Variants in NETO1 observed in about 807,000 individuals in gnomAD.
The protein encoded by NETO1 is neuropilin and tolloid like 1.
A neutral mutation model predicts 61.3 loss-of-function variants in NETO1; 26 were observed. The ratio of observed to expected loss-of-function variants is 0.42; its 90% CI spans 0.31 to 0.59. NETO1 has a LOEUF of 0.59. NETO1 is among the 20% of genes least tolerant of loss of function. The pLI is 0.12. For missense variants in NETO1, 531 were observed against 662.8 expected (o/e 0.80, Z 2.18); for synonymous variants, 225 against 225.8 (o/e 1.00, Z 0.03).
chr18:72,792,920 A>G (rs1320200087), intron 6 of NETO1, among the ~76,000 whole-genome samples: 1 of 152,092 alleles, frequency 6.6e-6, no homozygotes, highest in Non-Finnish European at 1.5e-5. Flanking sequence ...CTTCTTGACA[A>G]AATACTTCTC....
At chr18:72,829,769 T>C (rs898440828) in intron 4 of NETO1, among the ~76,000 whole-genome samples, 1 of 152,172 alleles carries the variant, frequency 6.6e-6, no homozygotes, top group African/African-American at 2.4e-5. Context: ...GGGAGTACAG[T>C]GTTCACGCTG....
chr18:72,813,695 T>C (rs11659594), intron 4 of NETO1, among the ~76,000 whole-genome samples: 22,699 of 151,994 alleles, frequency 0.15, 1,886 homozygotes, highest in Middle Eastern at 0.23. Flanking sequence ...AATAAGACTA[T>C]AAAGGATGCA....
chr18:72,861,782 A>T (rs1342259927), intron 3 of NETO1, among the ~76,000 whole-genome samples: 1 of 152,212 alleles, frequency 6.6e-6, no homozygotes, highest in African/African-American at 2.4e-5. Context: ...CTTTCTCTAC[A>T]GAATATTCAT....
At chr18:72,833,348 T>C (rs897264736) in intron 4 of NETO1, among the ~76,000 whole-genome samples, 1 of 152,176 alleles carries the variant, frequency 6.6e-6, no homozygotes, top group African/African-American at 2.4e-5. Context: ...TTCTCTGACC[T>C]CTAGGCCGTT....
chr18:72,867,357 T>C lies in NETO1; in HGVS notation c.-66A>G. ...CATTTAGAGACGGGAAGACTTCCAG[T>C]GGCGGGGGGAGGACAGGGTCGAGAG... On this transcript the variant is annotated 5_prime_UTR_variant, in exon 1 of 11. Coordinates refer to ENST00000327305, the MANE Select transcript of NETO1 (RefSeq NM_138966.5). 1 of 1,400,206 alleles carries C rather than the reference T, an allele frequency of 7.1e-7. No homozygotes were observed. The highest frequency in any genetic ancestry group is 1.4e-5 in the South Asian group (1 of 71,188). 86.7% of individuals were successfully genotyped at this position (1,400,206 alleles called of 1,614,324 possible).
intron 3 of NETO1, among the ~76,000 whole-genome samples, chr18:72,859,936 A>AT (rs2074519089): frequency 6.6e-6 from 1 of 151,692 alleles, no homozygotes. Context: ...TTCCAAAAAA[A>AT]AAAAGTCTTT....
chr18:72,770,799 T>C (rs1287782540), intron 7 of NETO1, among the ~76,000 whole-genome samples: 1 of 152,176 alleles, frequency 6.6e-6, no homozygotes, highest in African/African-American at 2.4e-5. Context: ...TAAATTGTGT[T>C]TGGCCTTGCT....
intron 4 of NETO1, among the ~76,000 whole-genome samples, chr18:72,801,419 T>C (rs1461125518): frequency 6.6e-6 from 1 of 152,226 alleles, no homozygotes; most frequent in Non-Finnish European, 1.5e-5. Flanking sequence ...TCTCATTTTC[T>C]CAAAAATATA....
chr18:72,807,259 G>A (rs2072704545), intron 4 of NETO1, among the ~76,000 whole-genome samples: 1 of 152,124 alleles, frequency 6.6e-6, no homozygotes, highest in Non-Finnish European at 1.5e-5. Context: ...TGGGCACAGA[G>A]TATATATAAC....
intron 4 of NETO1, among the ~76,000 whole-genome samples, chr18:72,852,709 A>G (rs910819176): frequency 6.6e-6 from 1 of 152,078 alleles, no homozygotes; most frequent in Non-Finnish European, 1.5e-5. Flanking sequence ...TCCTGAGCCC[A>G]CTATTATACA....
chr18:72,791,948 A>G (rs2072134109), intron 6 of NETO1, among the ~76,000 whole-genome samples: 1 of 152,240 alleles, frequency 6.6e-6, no homozygotes, highest in Non-Finnish European at 1.5e-5. Context: ...GTCTTTCTTC[A>G]TAATGCAATT....
intron 1 of NETO1, chr18:72,865,782 G>T: frequency 8.1e-7 from 1 of 1,236,608 alleles, no homozygotes; most frequent in Non-Finnish European, 1.1e-6. Flanking sequence ...GTGGATTGTG[G>T]GCATTAAGCA....
At position 72,865,214 on chromosome 18, in the gene NETO1, A is replaced by G; in HGVS notation, c.56T>C (p.Leu19Ser). The G allele has an allele frequency of 6.2e-7, 1 of 1,613,380 alleles. No individual in the cohort carries two copies. The highest frequency in any genetic ancestry group is 2.2e-5 in the East Asian group (1 of 44,818). The change falls in exon 2 of 11, where the codon TTG (leucine) becomes TCG (serine). Residue 19 changes from leucine to serine, a missense_variant. Coordinates refer to ENST00000327305, the MANE Select transcript of NETO1 (RefSeq NM_138966.5). ...HIVASLIILH[L>S]SGATKKGTEK... The stretch of plus-strand genomic sequence containing the variant: ...TGTTCCTTTCTTGGTTGCCCCAGAC[A>G]AATGGAGGATGATTAAACTTGCTAC...
At chr18:72,779,892 T>C (rs1048601875) in intron 7 of NETO1, among the ~76,000 whole-genome samples, 5 of 152,178 alleles carry the variant, frequency 3.3e-5, no homozygotes, top group African/African-American at 1.2e-4. Flanking sequence ...CTGGCAGATT[T>C]GGTGTCTGTT....
chr18:72,757,240 A>G (rs996712290), intron 7 of NETO1, among the ~76,000 whole-genome samples: 6 of 152,166 alleles, frequency 3.9e-5, no homozygotes, highest in African/African-American at 1.4e-4. Context: ...TCATGTTATA[A>G]TGAGTTTATT....
At chr18:72,773,923 A>G (rs1372932489) in intron 7 of NETO1, among the ~76,000 whole-genome samples, 1 of 152,028 alleles carries the variant, frequency 6.6e-6, no homozygotes, top group Non-Finnish European at 1.5e-5. Context: ...TACTGTATGT[A>G]TATTTCTTTA....
rs2145387975 is a variant in NETO1 at position 72,830,932 on chromosome 18, T to G, written c.469+27894A>C. ...GCAGGAAAAACTGTACTTGATAGGGTTGTCAATTATGCCTTCTGACTGCAA... is the reference window on the plus strand; with the variant it reads ...GCAGGAAAAACTGTACTTGATAGGGGTGTCAATTATGCCTTCTGACTGCAA... On this transcript the variant is annotated intron_variant, in intron 4 of 10. Transcript: ENST00000327305. This position sits in a 1 kb window ranked among gnomAD's most constrained non-coding sequence, Gnocchi z 4.9. 6.6e-6 allele frequency among the ~76,000 whole-genome samples: 1 copy of G among 152,200 alleles called. No homozygotes were observed. Among genetic ancestry groups the G allele is most frequent in the African/African-American group, 2.4e-5 (1 of 41,524 alleles).
At chr18:72,867,108 G>T in intron 1 of NETO1, 156 bp downstream of exon 1, 1 of 533,706 alleles carries the variant, frequency 1.9e-6, no homozygotes, top group Non-Finnish European at 3.1e-6. Context: ...GTTCCACGAT[G>T]CTGCAATACA....
chr18:72,834,726 T>A (rs979518422), intron 4 of NETO1: 2 of 984,996 alleles, frequency 2.0e-6, no homozygotes, highest in African/African-American at 3.5e-5. Context: ...CAGCTTTTAC[T>A]GTTTGATTGT....
Sources: allele counts gnomAD v4.1 joint callset (sites outside exome capture counted in the v4.1 genomes callset), GRCh38; gene constraint gnomAD v4.1.1; non-coding constraint Gnocchi (gnomAD v3.1); transcripts MANE v1.5; gene names NCBI Gene and HGNC (gene_info 2026-07-23, HGNC 2026-07-21).